MDFIC: variants seen among roughly 807,000 people sequenced by gnomAD.
MDFIC encodes myoD family inhibitor domain-containing protein.
Under a neutral mutation model 23.2 loss-of-function variants are expected in MDFIC, and 17 were observed. That is an observed-to-expected ratio of 0.73 (90% CI 0.50 to 1.10). The LOEUF is 1.10. Among genes scored for constraint, MDFIC ranks in the 50% least tolerant of loss-of-function variants. MDFIC has a pLI of 0.00. For missense variants in MDFIC, 356 were observed against 316.6 expected, an observed-to-expected ratio of 1.12 and a Z score of -0.95; for synonymous variants, 120 against 115.2, an observed-to-expected ratio of 1.04 and a Z score of -0.27.
intron 2 of MDFIC, among the ~76,000 whole-genome samples, chr7:114,924,838 AAG>A (rs1205197674): frequency 6.6e-6 from 1 of 152,226 alleles, no homozygotes; most frequent in Non-Finnish European, 1.5e-5. Context: ...TATTTAAAGA[AAG>A]AAATTCTTGG....
In MDFIC at chr7:114,985,171, G is replaced by A. The variant is rs116721735; in HGVS notation, c.493+5390G>A. Among the ~76,000 whole-genome samples the A allele has an allele frequency of 4.3e-3, 660 of 152,214 alleles. 5 individuals are homozygous for A. The highest frequency in any genetic ancestry group is 0.015 in the African/African-American group (641 of 41,538). ...TTACTTAGCCTCTTTTTGCATCAGC[G>A]TCTCATCTCTAAAATGGTGATATTA... On this transcript the variant is annotated intron_variant, in intron 4 of 4. Transcript: ENST00000393486.
intron 2 of MDFIC, among the ~76,000 whole-genome samples, chr7:114,924,320 A>C (rs1283691089): frequency 1.3e-5 from 2 of 152,140 alleles, no homozygotes; most frequent in African/African-American, 4.8e-5. Context: ...AGTCATATCG[A>C]CTCATTGATG....
At chr7:114,984,713 ATAATG>A (rs1458812714) in intron 4 of MDFIC, among the ~76,000 whole-genome samples, 15 of 152,242 alleles carry the variant, frequency 9.9e-5, no homozygotes, top group African/African-American at 3.6e-4. Context: ...TTAGTATCAT[ATAATG>A]TTCAAATTGC....
chr7:114,934,284 A>G (rs886148016), intron 2 of MDFIC, among the ~76,000 whole-genome samples: 1 of 152,162 alleles, frequency 6.6e-6, no homozygotes, highest in Non-Finnish European at 1.5e-5. Flanking sequence ...GATGACTAAG[A>G]TGTGTCCTGG....
chr7:114,992,204 C>A (rs1183789475), intron 4 of MDFIC, among the ~76,000 whole-genome samples: 1 of 152,178 alleles, frequency 6.6e-6, no homozygotes, highest in Non-Finnish European at 1.5e-5. Context: ...TGATTTTTAT[C>A]CTGAGACTTT....
intron 3 of MDFIC, among the ~76,000 whole-genome samples, chr7:114,963,778 T>C (rs1793039529): frequency 6.6e-6 from 1 of 152,078 alleles, no homozygotes; most frequent in South Asian, 2.1e-4. Context: ...TGGGATCTTG[T>C]TATGTTGCCC....
intron 2 of MDFIC, among the ~76,000 whole-genome samples, chr7:114,926,673 A>G (rs552842792): frequency 6.9e-4 from 105 of 152,308 alleles, no homozygotes; most frequent in African/African-American, 2.4e-3. Flanking sequence ...ATGCCAGTGA[A>G]GTTAATTAAA....
intron 4 of MDFIC, among the ~76,000 whole-genome samples, chr7:114,982,097 T>G (rs1180763303): frequency 6.6e-6 from 1 of 152,190 alleles, no homozygotes; most frequent in Admixed American, 6.5e-5. Context: ...GAGTCTCTTT[T>G]TACAGCACCT....
chr7:114,935,946 C>T (rs938354272), intron 2 of MDFIC, among the ~76,000 whole-genome samples: 1 of 152,108 alleles, frequency 6.6e-6, no homozygotes, highest in Non-Finnish European at 1.5e-5. Flanking sequence ...TAAAAAAGTG[C>T]TTACTGCAAT....
At chr7:115,004,860 A>G (rs1325568576) in intron 4 of MDFIC, among the ~76,000 whole-genome samples, 3 of 152,186 alleles carry the variant, frequency 2.0e-5, no homozygotes, top group African/African-American at 4.8e-5. Flanking sequence ...TATTTATATG[A>G]AGCCTACTTT....
At chr7:114,924,927 T>C (rs1792160631) in intron 2 of MDFIC, among the ~76,000 whole-genome samples, 1 of 152,140 alleles carries the variant, frequency 6.6e-6, no homozygotes, top group Non-Finnish European at 1.5e-5. Flanking sequence ...GTGAAGAAGC[T>C]TTGCTCGAAG....
intron 3 of MDFIC, among the ~76,000 whole-genome samples, chr7:114,965,541 G>A (rs1170888338): frequency 1.3e-5 from 2 of 152,144 alleles, no homozygotes; most frequent in Admixed American, 6.5e-5. Context: ...CCAGGTAGAC[G>A]GAGGGGAAAG....
At chr7:114,969,733 C>A (rs1793172157) in intron 3 of MDFIC, among the ~76,000 whole-genome samples, 1 of 152,130 alleles carries the variant, frequency 6.6e-6, no homozygotes, top group Non-Finnish European at 1.5e-5. Flanking sequence ...CAGATGATGT[C>A]ACAATGTTTC....
chr7:114,998,636 A>G (rs946612756), intron 4 of MDFIC, among the ~76,000 whole-genome samples: 1 of 152,022 alleles, frequency 6.6e-6, no homozygotes, highest in African/African-American at 2.4e-5. Context: ...ACTATATTTT[A>G]TATTTTTTAT....
chr7:114,955,502 G>T (rs1792866530), intron 3 of MDFIC, among the ~76,000 whole-genome samples: 1 of 152,134 alleles, frequency 6.6e-6, no homozygotes, highest in Non-Finnish European at 1.5e-5. Context: ...AGGTGTTTAT[G>T]ACCCTCTTCT....
At position 114,979,781 on chromosome 7, in the gene MDFIC, G is replaced by A. The variant is rs758783449; in HGVS notation, c.493G>A (p.Asp165Asn). The A allele has an allele frequency of 9.3e-6, 15 of 1,612,640 alleles. No homozygotes were observed. The highest frequency in any genetic ancestry group is 1.6e-4 in the Middle Eastern group (1 of 6,082). Residue 165 changes from aspartate to asparagine, a missense_variant and splice_region_variant, in exon 4 of 5, where the codon GAT becomes AAT. Transcript: ENST00000393486. Reference protein sequence around the residue: ...FSQKTGSSPEDCCVHCILACL... With the variant: ...FSQKTGSSPENCCVHCILACL... ...CCAAAAGACAGGCTCTTCACCTGAA[G>A]GTAAGTTTGAGATATATGTAGATTT...
In MDFIC at chr7:114,992,152, G is replaced by A. The variant is rs190668394; in HGVS notation, c.493+12371G>A. Among the ~76,000 whole-genome samples, 14 of 152,248 alleles carry A rather than the reference G, an allele frequency of 9.2e-5. No individual in the cohort carries two copies. In the East Asian group the frequency reaches 2.7e-3, roughly 29 times the overall value. The stretch of plus-strand genomic sequence containing the variant: ...TCACTCATGATTTGGCTCTCTGTTT[G>A]TCTATTATTGGTGTATAAGAATGCT... On this transcript the variant is annotated intron_variant, in intron 4 of 4. Coordinates refer to ENST00000393486, the MANE Select transcript of MDFIC (RefSeq NM_001166345.3).
At chr7:114,932,256 T>C (rs924786460) in intron 2 of MDFIC, among the ~76,000 whole-genome samples, 3 of 152,182 alleles carry the variant, frequency 2.0e-5, no homozygotes, top group Admixed American at 6.5e-5. Flanking sequence ...TATTTGATCT[T>C]GGTGTTAGGA....
chr7:114,927,868 A>G (rs555827053), intron 2 of MDFIC, among the ~76,000 whole-genome samples: 1 of 152,358 alleles, frequency 6.6e-6, no homozygotes, highest in Non-Finnish European at 1.5e-5. Context: ...ATGGTAACTC[A>G]CAGAAAACAT....
Sources: gnomAD v4.1 joint callset for allele counts (sites outside exome capture counted in the v4.1 genomes callset) on GRCh38, gnomAD v4.1.1 for gene constraint, MANE v1.5 for transcripts, NCBI Gene and HGNC (gene_info 2026-07-23, HGNC 2026-07-21) for gene names.